The following XPR1 variants were observed in gnomAD, a reference collection of about 807,000 sequenced individuals.
The protein encoded by XPR1 is xenotropic and polytropic retrovirus receptor 1.
A neutral mutation model predicts 87.5 loss-of-function variants in XPR1; 28 were observed. The ratio of observed to expected loss-of-function variants is 0.32; its 90% confidence interval spans 0.24 to 0.44. The LOEUF (loss-of-function observed/expected upper bound fraction) is 0.44, where lower values mean the gene tolerates loss of function less well. Ranked by LOEUF, XPR1 falls within the 20% of genes least tolerant of loss-of-function variation. The pLI is 1.00. For missense variants in XPR1, 559 were observed against 862.3 expected (o/e 0.65, Z 4.41); for synonymous variants, 300 against 306.1 (o/e 0.98, Z 0.21).
At chr1:180,668,105 A>T (rs1571702130) in intron 1 of XPR1, among the ~76,000 whole-genome samples, 3 of 129,174 alleles carry the variant, frequency 2.3e-5, no homozygotes, top group African/African-American at 6.0e-5. Flanking sequence ...CTTTGCTTTC[A>T]TATTTATTTC....
chr1:180,840,532 T>TTGTGTGTGTGTGTG (rs373937004), intron 11 of XPR1, among the ~76,000 whole-genome samples: 122 of 110,416 alleles, frequency 1.1e-3, no homozygotes, highest in African/African-American at 1.5e-3. Context: ...GTTAACATAT[T>TTGTGTGTGTGTGTG]TGTGTGTGTG....
At chr1:180,673,225 A>G (rs1656243344) in intron 1 of XPR1, among the ~76,000 whole-genome samples, 2 of 152,198 alleles carry the variant, frequency 1.3e-5, no homozygotes, top group South Asian at 2.1e-4. Flanking sequence ...AATGAACAAC[A>G]TGAGAAATTT....
At chr1:180,805,951 A>T (rs1571855137) in intron 4 of XPR1, 111 bp from the exon 5 acceptor site, 2 of 1,147,378 alleles carry the variant, frequency 1.7e-6, no homozygotes, top group East Asian at 2.6e-5. Flanking sequence ...GCCATTTCCT[A>T]GAGTACTTAA....
At chr1:180,822,094 A>G (rs1650653115) in intron 7 of XPR1, among the ~76,000 whole-genome samples, 1 of 152,234 alleles carries the variant, frequency 6.6e-6, no homozygotes, top group African/African-American at 2.4e-5. Context: ...CTTAACAGCT[A>G]GAGTAGCCCT....
intron 14 of XPR1, among the ~76,000 whole-genome samples, chr1:180,882,647 C>T (rs1266538763): frequency 6.6e-6 from 1 of 152,166 alleles, no homozygotes; most frequent in East Asian, 1.9e-4. Flanking sequence ...AGAGCCACCA[C>T]ACTCAGCCAC....
intron 2 of XPR1, among the ~76,000 whole-genome samples, chr1:180,730,263 C>G (rs1658506963): frequency 6.6e-6 from 1 of 152,100 alleles, no homozygotes; most frequent in Non-Finnish European, 1.5e-5. Flanking sequence ...GCTTTTGTAC[C>G]AGTACCATGC....
At chr1:180,730,820 G>T (rs1658533947) in intron 2 of XPR1, among the ~76,000 whole-genome samples, 1 of 140,184 alleles carries the variant, frequency 7.1e-6, no homozygotes, top group African/African-American at 2.7e-5. Context: ...TCACCACCAT[G>T]CCCAGCTAAT....
intron 2 of XPR1, among the ~76,000 whole-genome samples, chr1:180,778,726 C>T (rs1648820902): frequency 6.6e-6 from 1 of 152,176 alleles, no homozygotes; most frequent in South Asian, 2.1e-4. Context: ...TAAAAAAAAT[C>T]AGTTTGATCG....
intron 11 of XPR1, among the ~76,000 whole-genome samples, chr1:180,855,118 T>A (rs926994586): frequency 6.6e-6 from 1 of 152,148 alleles, no homozygotes; most frequent in Non-Finnish European, 1.5e-5. Context: ...TACAATTTAA[T>A]GGAAAAGACA....
intron 3 of XPR1, among the ~76,000 whole-genome samples, chr1:180,788,466 G>T (rs1406191876): frequency 6.6e-6 from 1 of 152,132 alleles, no homozygotes; most frequent in Non-Finnish European, 1.5e-5. Context: ...CAGGAGTCCT[G>T]TGAGACCTAG....
chr1:180,676,467 T>C (rs542531893), intron 1 of XPR1, among the ~76,000 whole-genome samples: 7 of 152,214 alleles, frequency 4.6e-5, no homozygotes, highest in African/African-American at 1.7e-4. Flanking sequence ...ATTTTTCTGG[T>C]ACTTTTTTTG....
chr1:180,674,302 A>G (rs1477351491), intron 1 of XPR1, among the ~76,000 whole-genome samples: 1 of 152,204 alleles, frequency 6.6e-6, no homozygotes, highest in African/African-American at 2.4e-5. Flanking sequence ...TGTGTTGCCC[A>G]GGCTGGAGTG....
chr1:180,734,265 G>C (rs2102014762), intron 2 of XPR1, among the ~76,000 whole-genome samples: 1 of 152,330 alleles, frequency 6.6e-6, no homozygotes, highest in Non-Finnish European at 1.5e-5. Context: ...TGGCAGGGAA[G>C]AAGGCTTTAA....
At chr1:180,833,301 T>C (rs1651138674) in intron 9 of XPR1, among the ~76,000 whole-genome samples, 1 of 152,202 alleles carries the variant, frequency 6.6e-6, no homozygotes, top group Non-Finnish European at 1.5e-5. Flanking sequence ...AGTGTCATAA[T>C]GACAGCATCA....
At chr1:180,749,061 C>A (rs752303814) in intron 2 of XPR1, among the ~76,000 whole-genome samples, 46 of 152,246 alleles carry the variant, frequency 3.0e-4, no homozygotes, top group East Asian at 3.9e-4. Context: ...ATTAGCCAGG[C>A]GTGGAGACGC....
chr1:180,738,214 G>T (rs530261203), intron 2 of XPR1, among the ~76,000 whole-genome samples: 1 of 152,076 alleles, frequency 6.6e-6, no homozygotes, highest in East Asian at 1.9e-4. Context: ...GTTTGGCCAC[G>T]TTGGCCAGGC....
intron 2 of XPR1, among the ~76,000 whole-genome samples, chr1:180,779,353 A>AT (rs1399616951): frequency 1.3e-5 from 2 of 152,206 alleles, no homozygotes; most frequent in Non-Finnish European, 2.9e-5. Context: ...CATTCATCAT[A>AT]TCCCTAGCAT....
In XPR1 at chr1:180,678,914, G is replaced by A. The variant is rs560388947; in HGVS notation, c.70-3446G>A. The stretch of plus-strand genomic sequence containing the variant: ...TATGCTTGAATATTTGTGCTGGTTC[G>A]GCCCGGCATGGTGGCTCACGCCTGT... On this transcript the variant is annotated intron_variant, in intron 1 of 14. Coordinates refer to ENST00000367590, the MANE Select transcript of XPR1 (RefSeq NM_004736.4). Among the ~76,000 whole-genome samples the A allele has an allele frequency of 5.4e-5, 8 of 147,164 alleles. No individual in the cohort carries two copies. In the East Asian group the frequency reaches 1.5e-3, roughly 27 times the overall value.
intron 12 of XPR1, among the ~76,000 whole-genome samples, 156 bp downstream of exon 12, chr1:180,864,030 A>G (rs1424519130): frequency 6.6e-6 from 1 of 152,154 alleles, no homozygotes; most frequent in African/African-American, 2.4e-5. Context: ...GCAAAAATAT[A>G]TTAGATGTTT....
Sources: allele counts gnomAD v4.1 joint callset (sites outside exome capture counted in the v4.1 genomes callset), GRCh38; gene constraint gnomAD v4.1.1; transcripts MANE v1.5; gene names NCBI Gene and HGNC (gene_info 2026-07-23, HGNC 2026-07-21).